TENT4A: variants seen among roughly 807,000 people sequenced by gnomAD.
The protein encoded by TENT4A is DNA polymerase kappa.
In TENT4A, 7 loss-of-function variants were observed where a neutral mutation model predicts 72.8. The ratio of observed to expected loss-of-function variants is 0.10; its 90% CI spans 0.05 to 0.18. The LOEUF is 0.18. Ranked by LOEUF, TENT4A falls within the 10% of genes least tolerant of loss-of-function variation. TENT4A has a pLI of 1.00. For missense variants in TENT4A, 831 were observed against 1,017.7 expected (o/e 0.82, Z 2.50); for synonymous variants, 456 against 434.3 (o/e 1.05, Z -0.62).
intron 4 of TENT4A, among the ~76,000 whole-genome samples, chr5:6,740,094 G>C (rs370804603): frequency 2.6e-5 from 4 of 152,202 alleles, no homozygotes; most frequent in African/African-American, 9.7e-5. Flanking sequence ...CCATTAAACT[G>C]TTCTTGGAAT....
Position 6,751,124 on chromosome 5 carries a change from C to T in TENT4A, c.1946C>T (p.Thr649Ile). The T allele has an allele frequency of 6.2e-7, 1 of 1,614,228 alleles. No individual in the cohort carries two copies. Among genetic ancestry groups the T allele is most frequent in the Non-Finnish European group, 8.5e-7 (1 of 1,180,026 alleles). The change falls in exon 11 of 13, where the codon ACC becomes ATC. Residue 649 changes from threonine (T) to isoleucine (I), a missense_variant. Physicochemically the swap from Thr to Ile is moderately conservative, Grantham distance 89. Around this residue, in one of 3 missense-constraint regions of TENT4A, gnomAD observed 332 missense variants for 324.3 expected, o/e 1.02. Transcript: ENST00000230859. ...GCTCCTCTCATGGCCGGCTTACCCA[C>T]CGCCTTGCCAATGCCCAGTGGCAAA... The part of the protein sequence containing the change: ...APAPLMAGLP[T>I]ALPMPSGKPQ...
At chr5:6,726,883 C>T (rs6884595) in intron 1 of TENT4A, among the ~76,000 whole-genome samples, 28,653 of 151,790 alleles carry the variant, frequency 0.19, 2,928 homozygotes, top group Non-Finnish European at 0.23. Flanking sequence ...CTTAGCGTGG[C>T]GGGGGGTTTT....
At chr5:6,737,324 G>A (rs1741559384) in intron 1 of TENT4A, among the ~76,000 whole-genome samples, 186 bp from the exon 2 acceptor site, 1 of 152,238 alleles carries the variant, frequency 6.6e-6, no homozygotes, top group Non-Finnish European at 1.5e-5. Context: ...CAGTTGTTTA[G>A]TGTTGCTAAG....
intron 1 of TENT4A, among the ~76,000 whole-genome samples, chr5:6,724,030 C>T (rs1218250545): frequency 6.6e-6 from 1 of 152,240 alleles, no homozygotes; most frequent in Non-Finnish European, 1.5e-5. Context: ...CCTCAGTCAG[C>T]ACTGCTGCAC....
At chr5:6,729,931 A>T (rs1479146518) in intron 1 of TENT4A, among the ~76,000 whole-genome samples, 1 of 152,136 alleles carries the variant, frequency 6.6e-6, no homozygotes, top group African/African-American at 2.4e-5. Flanking sequence ...GCAGGGCTTC[A>T]TCCTGGTCTG....
At position 6,733,430 on chromosome 5, in the gene TENT4A, C is replaced by T. The variant is rs144982439; in HGVS notation, c.717-4080C>T. On this transcript the variant is annotated intron_variant, in intron 1 of 12. Coordinates refer to ENST00000230859, the MANE Select transcript of TENT4A (RefSeq NM_006999.6). ...GTGTCCTCCTGGTTCTGAGATGCCA[C>T]CTTTGTGATCCACTGTAGAGGGATT... Among the ~76,000 whole-genome samples the T allele has an allele frequency of 6.2e-4, 95 of 152,346 alleles. 1 individual carries two copies. The South Asian group carries it at 8.3e-3, about 13-fold the overall frequency.
At position 6,713,962 on chromosome 5, in the gene TENT4A, G is replaced by C. The variant is rs1174965965; in HGVS notation, c.-22G>C. On this transcript the variant is annotated 5_prime_UTR_variant, in exon 1 of 13. Coordinates refer to ENST00000230859, the MANE Select transcript of TENT4A (RefSeq NM_006999.6). The stretch of plus-strand genomic sequence containing the variant: ...CGCGTCGGGGCGGGCGGGCGCGCGG[G>C]CCCCGCGGGGGCGGCGCGTGGATGG... 1.0e-6 allele frequency: 1 copy of C among 952,822 alleles called. No individual in the cohort carries two copies. Among genetic ancestry groups the C allele is most frequent in the Non-Finnish European group, 1.2e-6 (1 of 803,260 alleles). The allele number at this position is 952,822 out of a possible 1,614,324, so 59.0% of individuals were successfully genotyped here.
chr5:6,746,175 C>T, intron 6 of TENT4A, 39 bp from the exon 7 acceptor site: 1 of 1,613,812 alleles, frequency 6.2e-7, no homozygotes, highest in Non-Finnish European at 8.5e-7. Context: ...TAGAACATGC[C>T]ATGAATCCAT....
At chr5:6,741,143 A>C (rs1025420899) in intron 4 of TENT4A, among the ~76,000 whole-genome samples, 1 of 152,178 alleles carries the variant, frequency 6.6e-6, no homozygotes, top group Admixed American at 6.5e-5. Flanking sequence ...GCTTAGTCCC[A>C]GTGACCTCGT....
rs1341730325 is a variant in TENT4A, at chr5:6,738,741, A to G, written c.887+12A>G. On this transcript the variant is annotated intron_variant, in intron 3 of 12. Transcript: ENST00000230859. ...TATCTTCCAACTAGGTGAGTACCAG[A>G]CTGCATGGCATGGGCTAGTGGGGGG... 6.3e-7 allele frequency: 1 copy of G among 1,599,248 alleles called. No homozygotes were observed. Among genetic ancestry groups the G allele is most frequent in the African/African-American group, 1.3e-5 (1 of 74,728 alleles).
rs1022901330 is a variant in TENT4A at position 6,755,680 on chromosome 5, C to G, written c.*735C>G. On this transcript the variant is annotated 3_prime_UTR_variant, in exon 13 of 13. Transcript: ENST00000230859. Reference sequence around the variant, plus strand: ...GAAGTGAGTGAAGGAGCCAGGTCGCCCTGAAGGTTTTCCAAAGGGCTTGGC... The same window carrying G: ...GAAGTGAGTGAAGGAGCCAGGTCGCGCTGAAGGTTTTCCAAAGGGCTTGGC... 3 of 152,318 alleles carry G rather than the reference C, an allele frequency of 2.0e-5. No individual in the cohort carries two copies. The highest frequency in any genetic ancestry group is 2.9e-5 in the Non-Finnish European group (2 of 68,058). 9.4% of individuals were successfully genotyped at this position (152,318 alleles called of 1,614,324 possible).
In TENT4A at chr5:6,756,376, C is replaced by T. The variant is rs1579510421; in HGVS notation, c.*1431C>T. 1 of 152,570 alleles carries T rather than the reference C, an allele frequency of 6.6e-6. No homozygotes were observed. Among genetic ancestry groups the T allele is most frequent in the Non-Finnish European group, 1.5e-5 (1 of 68,038 alleles). The allele number at this position is 152,570 out of a possible 1,614,324, so 9.5% of individuals were successfully genotyped here. ...GGGGGTCTGGTCTTGCTAAACACTACAGGTAGGTTGGTCTTTGAAGTCCAC... is the reference window on the plus strand; with the variant it reads ...GGGGGTCTGGTCTTGCTAAACACTATAGGTAGGTTGGTCTTTGAAGTCCAC... On this transcript the variant is annotated 3_prime_UTR_variant, in exon 13 of 13. Transcript: ENST00000230859.
intron 7 of TENT4A, among the ~76,000 whole-genome samples, chr5:6,747,869 G>T (rs991852576): frequency 6.6e-6 from 1 of 152,196 alleles, no homozygotes; most frequent in Non-Finnish European, 1.5e-5. Flanking sequence ...CTCCTGACTG[G>T]CTTCCTTGGT....
intron 1 of TENT4A, among the ~76,000 whole-genome samples, chr5:6,721,157 C>T (rs920754006): frequency 1.3e-5 from 2 of 152,146 alleles, no homozygotes; most frequent in African/African-American, 2.4e-5. Flanking sequence ...AGCCCGCATT[C>T]TTAGTGCCAA....
In TENT4A at chr5:6,718,714, C is replaced by G. The variant is rs113188497; in HGVS notation, c.716+4015C>G. 2.0e-3 allele frequency among the ~76,000 whole-genome samples: 308 copies of G among 152,364 alleles called. 2 individuals are homozygous for G. The highest frequency in any genetic ancestry group is 7.3e-3 in the African/African-American group (302 of 41,588). ...TAGTAATAGCATCACTTGTTCCTGT[C>G]TTTTGTTCCATGGCCAAGCTCCACA... On this transcript the variant is annotated intron_variant, in intron 1 of 12. Transcript: ENST00000230859.
intron 1 of TENT4A, among the ~76,000 whole-genome samples, chr5:6,715,330 A>C (rs565151029): frequency 6.6e-6 from 1 of 152,300 alleles, no homozygotes; most frequent in East Asian, 1.9e-4. Context: ...TTTATTTTAA[A>C]TATTTCTACA....
rs1742665158 is a variant in TENT4A at position 6,755,850 on chromosome 5, A to C, written c.*905A>C. ...CAGCATTTCAAGTGCCAGAAGTATA[A>C]CTTTCTAAGGAGAGAAGGGTTGTCA... On this transcript the variant is annotated 3_prime_UTR_variant, in exon 13 of 13. Transcript: ENST00000230859. 1 of 152,266 alleles carries C rather than the reference A, an allele frequency of 6.6e-6. No individual in the cohort carries two copies. Among genetic ancestry groups the C allele is most frequent in the East Asian group, 1.9e-4 (1 of 5,204 alleles). The allele number at this position is 152,266 out of a possible 1,614,324, so 9.4% of individuals were successfully genotyped here.
Position 6,714,442 on chromosome 5 carries a change from C to G in TENT4A, c.459C>G (p.Ala153=). The G allele has an allele frequency of 8.5e-7, 1 of 1,171,112 alleles. No individual in the cohort carries two copies. Among genetic ancestry groups the G allele is most frequent in the Non-Finnish European group, 1.1e-6 (1 of 949,252 alleles). The allele number at this position is 1,171,112 out of a possible 1,614,324, so 72.5% of individuals were successfully genotyped here. A position where few individuals can be genotyped will look rare whatever the true frequency, so the allele number is the denominator to read the frequency against. Residue 153 remains alanine (A), a synonymous_variant, in exon 1 of 13, where the codon GCC becomes GCG. Transcript: ENST00000230859. Reference sequence around the variant, plus strand: ...GCGGCGGCGCCTTCTTCAACTTCGCCGACGGCGCGCCCAGCGCCCCTGGCA... The same window carrying G: ...GCGGCGGCGCCTTCTTCAACTTCGCGGACGGCGCGCCCAGCGCCCCTGGCA... The part of the protein sequence containing the change: ...GGRGGAFFNF[A]DGAPSAPGTA...
At position 6,714,537 on chromosome 5, in the gene TENT4A, C is replaced by T; in HGVS notation, c.554C>T (p.Pro185Leu). The change falls in exon 1 of 13, where the codon CCG (proline) becomes CTG (leucine). Residue 185 changes from proline (P) to leucine (L), a missense_variant. Coordinates refer to ENST00000230859, the MANE Select transcript of TENT4A (RefSeq NM_006999.6). The part of the protein sequence containing the change: ...AGSPSQHQFH[P>L]GRRKRENKAS... ...TCCCCGTCGCAGCACCAGTTCCACC[C>T]GGGTCGCCGGAAACGCGAGAACAAG... 4.2e-6 allele frequency: 5 copies of T among 1,195,588 alleles called. No individual in the cohort carries two copies. The highest frequency in any genetic ancestry group is 5.2e-6 in the Non-Finnish European group (5 of 964,552). 74.1% of individuals were successfully genotyped at this position (1,195,588 alleles called of 1,614,324 possible). A position where few individuals can be genotyped will look rare whatever the true frequency, so the allele number is the denominator to read the frequency against.
Sources: gnomAD v4.1 joint callset for allele counts (sites outside exome capture counted in the v4.1 genomes callset) on GRCh38, gnomAD v4.1.1 for gene constraint, gnomAD v4.1.1 regional missense constraint, MANE v1.5 for transcripts, NCBI Gene and HGNC (gene_info 2026-07-23, HGNC 2026-07-21) for gene names.